The following CFAP52 variants were observed in gnomAD, a reference collection of about 807,000 sequenced individuals.
CFAP52 encodes cilia- and flagella-associated protein 52.
A neutral mutation model predicts 70.5 loss-of-function variants in CFAP52; 57 were observed. That is an observed-to-expected ratio of 0.81 (90% CI 0.65 to 1.01). The LOEUF is 1.01. Among genes scored for constraint, CFAP52 ranks in the 50% least tolerant of loss-of-function variants. The pLI is 0.00. For synonymous variants in CFAP52, 267 were observed against 292.5 expected, an observed-to-expected ratio of 0.91 and a Z score of 0.89; for missense variants, 785 against 788.5, an observed-to-expected ratio of 1.00 and a Z score of 0.05.
At chr17:9,615,795 C>CTT (rs1190663709) in intron 8 of CFAP52, among the ~76,000 whole-genome samples, 6,187 of 67,068 alleles carry the variant, frequency 0.092, 392 homozygotes, top group East Asian at 0.27. Flanking sequence ...AAAAAAAATT[C>CTT]TTTTTTTTTT....
intron 7 of CFAP52, among the ~76,000 whole-genome samples, chr17:9,612,014 T>C (rs912681954): frequency 6.6e-6 from 1 of 152,222 alleles, no homozygotes; most frequent in African/African-American, 2.4e-5. Context: ...TTTGTACCCA[T>C]ATGCCTGCCT....
chr17:9,626,442 C>T (rs1910237104), intron 8 of CFAP52, among the ~76,000 whole-genome samples: 1 of 152,180 alleles, frequency 6.6e-6, no homozygotes, highest in African/African-American at 2.4e-5. Context: ...GTTGGCCAGG[C>T]TGGTCTCAAA....
Position 9,628,799 on chromosome 17 carries a change from G to C in CFAP52, c.1153G>C (p.Asp385His). The C allele has an allele frequency of 1.2e-6, 2 of 1,614,106 alleles. No individual in the cohort carries two copies. The highest frequency in any genetic ancestry group is 1.7e-6 in the Non-Finnish European group (2 of 1,179,998). The stretch of plus-strand genomic sequence containing the variant: ...CTGCCACGGCATCGACTTCATGAGG[G>C]ACGGCAAAAGCATCATTTCAGGTAA... The part of the protein sequence containing the change: ...MTCHGIDFMR[D>H]GKSIISAWND... The change falls in exon 9 of 14, where the codon GAC (aspartate) becomes CAC (histidine). Residue 385 changes from aspartate to histidine, a missense_variant. Physicochemically the swap from Asp to His is moderately conservative, Grantham distance 81. Transcript: ENST00000352665.
intron 8 of CFAP52, among the ~76,000 whole-genome samples, chr17:9,622,862 C>G (rs987612141): frequency 6.6e-6 from 1 of 152,122 alleles, no homozygotes. Flanking sequence ...CTACTTACTA[C>G]CTGAACTAGT....
intron 7 of CFAP52, chr17:9,610,203 T>G (rs1269299797): frequency 6.6e-6 from 1 of 151,962 alleles, no homozygotes; most frequent in Non-Finnish European, 1.5e-5. Context: ...TAAAATCAAG[T>G]AAAAAACAAA....
chr17:9,606,952 G>C (rs970207392), intron 6 of CFAP52, among the ~76,000 whole-genome samples: 47 of 152,162 alleles, frequency 3.1e-4, no homozygotes, highest in Admixed American at 2.6e-3. Context: ...GCTAAATTCA[G>C]TGTAAAGTAA....
intron 1 of CFAP52, among the ~76,000 whole-genome samples, chr17:9,585,402 C>T (rs1032533693): frequency 2.6e-5 from 4 of 152,124 alleles, no homozygotes; most frequent in South Asian, 2.1e-4. Flanking sequence ...GGCGCGGTGG[C>T]TCACACCTGT....
chr17:9,592,721 C>A (rs2151932023), intron 3 of CFAP52, among the ~76,000 whole-genome samples: 1 of 152,242 alleles, frequency 6.6e-6, no homozygotes, highest in Admixed American at 6.5e-5. Context: ...AAATAGTATT[C>A]CATTGTGTAG....
intron 1 of CFAP52, among the ~76,000 whole-genome samples, chr17:9,582,915 G>T (rs1246192596): frequency 1.3e-5 from 2 of 152,206 alleles, no homozygotes; most frequent in Admixed American, 6.5e-5. Context: ...GGGATTACAG[G>T]CATGAGCCAC....
At chr17:9,600,296 C>A in intron 6 of CFAP52, 113 bp downstream of exon 6, 1 of 882,806 alleles carries the variant, frequency 1.1e-6, no homozygotes. Flanking sequence ...ACCTGGAGTA[C>A]AGTGACGTGA....
Position 9,585,760 on chromosome 17 carries a change from C to A in CFAP52, c.71-13C>A. ...GCACCTGATTATTATTACTGTGAAT[C>A]TCTCTCTTTTAGGACATGTGCCCAC... On this transcript the variant is annotated splice_polypyrimidine_tract_variant and intron_variant, in intron 1 of 13. Coordinates refer to ENST00000352665, the MANE Select transcript of CFAP52 (RefSeq NM_145054.5). 6.2e-7 allele frequency: 1 copy of A among 1,613,544 alleles called. No homozygotes were observed.
At chr17:9,609,337 G>A (rs1909629567) in intron 7 of CFAP52, among the ~76,000 whole-genome samples, 1 of 152,220 alleles carries the variant, frequency 6.6e-6, no homozygotes, top group Non-Finnish European at 1.5e-5. Context: ...CATAGTATTA[G>A]AGGGTGATAA....
downstream of CFAP52, among the ~76,000 whole-genome samples, chr17:9,644,534 G>A (rs111285578): frequency 0.03 from 4,432 of 147,470 alleles, 214 homozygotes; most frequent in African/African-American, 0.11. Flanking sequence ...AAGTCATTTT[G>A]CAAGACCTTG....
intron 2 of CFAP52, among the ~76,000 whole-genome samples, 159 bp from the exon 3 acceptor site, chr17:9,586,539 G>A (rs1449446116): frequency 6.8e-6 from 1 of 146,660 alleles, no homozygotes; most frequent in Non-Finnish European, 1.5e-5. Flanking sequence ...ACTCCAGCCT[G>A]GGCAAAAAAG....
intron 8 of CFAP52, among the ~76,000 whole-genome samples, chr17:9,612,820 G>A (rs1395852816): frequency 3.9e-5 from 6 of 151,976 alleles, no homozygotes; most frequent in Non-Finnish European, 8.8e-5. Context: ...TTTTATGATG[G>A]TGTAAAAGCA....
chr17:9,614,177 G>T (rs1414819760), intron 8 of CFAP52, among the ~76,000 whole-genome samples: 13 of 106,188 alleles, frequency 1.2e-4, no homozygotes, highest in Admixed American at 6.6e-4. Flanking sequence ...TTTTTTTTGA[G>T]ACTGAGTCTC....
chr17:9,595,105 G>A (rs1322461241), intron 4 of CFAP52, among the ~76,000 whole-genome samples: 1 of 151,988 alleles, frequency 6.6e-6, no homozygotes, highest in Non-Finnish European at 1.5e-5. Context: ...TGGCCGGGTT[G>A]GTCTCCAACT....
At chr17:9,608,066 G>A (rs945718411) in intron 6 of CFAP52, 53 bp from the exon 7 acceptor site, 1 of 1,481,552 alleles carries the variant, frequency 6.7e-7, no homozygotes, top group Non-Finnish European at 9.3e-7. Flanking sequence ...ACATTCTTTA[G>A]TGGTGATTTG....
intron 8 of CFAP52, among the ~76,000 whole-genome samples, chr17:9,627,929 A>G (rs1412496087): frequency 6.6e-6 from 1 of 152,054 alleles, no homozygotes; most frequent in Non-Finnish European, 1.5e-5. Context: ...GGGTCTCACT[A>G]TGTTGCCCAG....
Sources: gnomAD v4.1 joint callset for allele counts (sites outside exome capture counted in the v4.1 genomes callset) on GRCh38, gnomAD v4.1.1 for gene constraint, MANE v1.5 for transcripts, NCBI Gene and HGNC (gene_info 2026-07-23, HGNC 2026-07-21) for gene names.